The following MATCAP2 variants were observed in gnomAD, a reference collection of about 807,000 sequenced individuals.
The protein encoded by MATCAP2 is putative tyrosine carboxypeptidase MATCAP2.
the MATCAP2 span, among the ~76,000 whole-genome samples, chr7:36,342,548 T>C: frequency 6.6e-6 from 1 of 152,200 alleles, no homozygotes; most frequent in African/African-American, 2.4e-5. Flanking sequence ...AAGACTCCAG[T>C]AGAGACATGA....
chr7:36,324,742 T>C, the MATCAP2 span: 1 of 152,202 alleles, frequency 6.6e-6, no homozygotes, highest in Admixed American at 6.5e-5. Flanking sequence ...TTAATCAATG[T>C]GATTTAAGGT....
the MATCAP2 span, among the ~76,000 whole-genome samples, chr7:36,351,471 T>C: frequency 3.9e-5 from 6 of 152,180 alleles, no homozygotes; most frequent in African/African-American, 1.4e-4. Context: ...TTGTGTGCTG[T>C]GTTGCTCTGG....
chr7:36,369,873 A>T, the MATCAP2 span, among the ~76,000 whole-genome samples: 1 of 152,174 alleles, frequency 6.6e-6, no homozygotes, highest in East Asian at 1.9e-4. Context: ...AAATAAACAA[A>T]TTTGATGCCT....
chr7:36,324,492 C>T, the MATCAP2 span: 1 of 152,014 alleles, frequency 6.6e-6, no homozygotes, highest in African/African-American at 2.4e-5. Context: ...TAGCCTATGA[C>T]AAATAACTAT....
chr7:36,388,951 C>A, the MATCAP2 span, among the ~76,000 whole-genome samples: 1 of 152,190 alleles, frequency 6.6e-6, no homozygotes, highest in African/African-American at 2.4e-5. Flanking sequence ...GTCGGGGACC[C>A]ACCGGAACTG....
At chr7:36,359,856 T>C in the MATCAP2 span, among the ~76,000 whole-genome samples, 1 of 152,148 alleles carries the variant, frequency 6.6e-6, no homozygotes, top group Non-Finnish European at 1.5e-5. Context: ...CCAGGAATAA[T>C]GTCGGTTTCC....
the MATCAP2 span, among the ~76,000 whole-genome samples, chr7:36,338,405 C>T: frequency 6.6e-6 from 1 of 152,124 alleles, no homozygotes; most frequent in Non-Finnish European, 1.5e-5. Flanking sequence ...TCAAGGGATC[C>T]TCCCATCTCA....
the MATCAP2 span, among the ~76,000 whole-genome samples, chr7:36,381,906 G>C: frequency 6.6e-6 from 1 of 152,060 alleles, no homozygotes; most frequent in Admixed American, 6.6e-5. Flanking sequence ...TAGCATGTGA[G>C]GAGAAATTTT....
chr7:36,386,838 G>C, the MATCAP2 span, among the ~76,000 whole-genome samples: 1 of 152,288 alleles, frequency 6.6e-6, no homozygotes, highest in African/African-American at 2.4e-5. Flanking sequence ...ACTGACTGGA[G>C]TATCATTTGT....
At chr7:36,379,835 C>G in the MATCAP2 span, among the ~76,000 whole-genome samples, 4 of 134,300 alleles carry the variant, frequency 3.0e-5, no homozygotes, top group Admixed American at 8.1e-5. Context: ...CACACACACA[C>G]ACACACACAC....
chr7:36,351,726 T>G, the MATCAP2 span, among the ~76,000 whole-genome samples: 1 of 151,902 alleles, frequency 6.6e-6, no homozygotes, highest in African/African-American at 2.4e-5. Flanking sequence ...GCAGGTGGAC[T>G]GCATGAGCTC....
the MATCAP2 span, among the ~76,000 whole-genome samples, chr7:36,350,548 T>C: frequency 3.3e-5 from 5 of 150,844 alleles, no homozygotes; most frequent in African/African-American, 1.2e-4. Context: ...TTTTTTTTTT[T>C]TTTTGAGACA....
At chr7:36,357,005 A>C in the MATCAP2 span, 3 of 1,614,174 alleles carry the variant, frequency 1.9e-6, no homozygotes, top group South Asian at 3.3e-5. Context: ...GTCAGATTTG[A>C]AGAATCTCAG....
the MATCAP2 span, among the ~76,000 whole-genome samples, chr7:36,379,833 C>G: frequency 2.9e-5 from 4 of 136,114 alleles, no homozygotes; most frequent in Admixed American, 7.9e-5. Flanking sequence ...CACACACACA[C>G]ACACACACAC....
the MATCAP2 span, among the ~76,000 whole-genome samples, chr7:36,349,552 C>T: frequency 1.1e-3 from 161 of 152,230 alleles, no homozygotes; most frequent in Non-Finnish European, 1.8e-3. Flanking sequence ...ACCTTATACC[C>T]CTCTTGTATT....
At chr7:36,341,207 G>A in the MATCAP2 span, among the ~76,000 whole-genome samples, 1 of 152,068 alleles carries the variant, frequency 6.6e-6, no homozygotes, top group Non-Finnish European at 1.5e-5. Flanking sequence ...CTGCACATGG[G>A]TAACACTTTT....
At chr7:36,353,025 A>G in the MATCAP2 span, among the ~76,000 whole-genome samples, 2 of 152,066 alleles carry the variant, frequency 1.3e-5, no homozygotes, top group Non-Finnish European at 2.9e-5. Context: ...CTGTAATCTT[A>G]GCACTTTGGG....
At chr7:36,342,283 G>A in the MATCAP2 span, among the ~76,000 whole-genome samples, 2 of 151,584 alleles carry the variant, frequency 1.3e-5, no homozygotes, top group Non-Finnish European at 2.9e-5. Flanking sequence ...GGGTTCAAGC[G>A]ATTCTCCTGC....
the MATCAP2 span, among the ~76,000 whole-genome samples, chr7:36,370,365 T>G: frequency 6.6e-6 from 1 of 152,234 alleles, no homozygotes; most frequent in Non-Finnish European, 1.5e-5. Flanking sequence ...ATATTAACCA[T>G]TAATATTGAG....
Sources: allele counts gnomAD v4.1 joint callset (sites outside exome capture counted in the v4.1 genomes callset), GRCh38; gene constraint gnomAD v4.1.1; transcripts MANE v1.5; gene names NCBI Gene and HGNC (gene_info 2026-07-23, HGNC 2026-07-21).